Variants in GGA2 observed in about 807,000 individuals in gnomAD.
GGA2 encodes the protein golgi associated, gamma adaptin ear containing, ARF binding protein 2.
A neutral mutation model predicts 79.5 loss-of-function variants in GGA2; 48 were observed. The ratio of observed to expected loss-of-function variants is 0.60; its 90% CI spans 0.48 to 0.77. The LOEUF is 0.77. GGA2 is among the 30% of genes least tolerant of loss of function. GGA2 has a pLI of 0.00. For synonymous variants in GGA2, 317 were observed against 302.0 expected (o/e 1.05, Z -0.51); for missense variants, 770 against 774.0 (o/e 0.99, Z 0.06).
upstream of GGA2, among the ~76,000 whole-genome samples, chr16:23,511,049 G>GTGTATA (rs1159068685): frequency 6.6e-6 from 1 of 150,616 alleles, no homozygotes; most frequent in Non-Finnish European, 1.5e-5. Context: ...GTGTGTGTGT[G>GTGTATA]TTAGAGACTG....
intron 8 of GGA2, among the ~76,000 whole-genome samples, chr16:23,484,929 C>T (rs1964693102): frequency 1.3e-5 from 2 of 152,178 alleles, no homozygotes; most frequent in African/African-American, 2.4e-5. Context: ...AGTCATTATT[C>T]GTAATGAATA....
intron 15 of GGA2, chr16:23,469,702 G>A (rs768898213): frequency 1.9e-4 from 41 of 211,282 alleles, no homozygotes; most frequent in Non-Finnish European, 3.3e-4. Context: ...CAACCCTGGA[G>A]CTGTGGGTAG....
At position 23,465,326 on chromosome 16, in the gene GGA2, T is replaced by G. The variant is rs1298544656; in HGVS notation, c.*2264A>C. Reference sequence around the variant, plus strand: ...GTGAATGAAGAGGTAGGAGCTGGGCTCTAAGTGGCCACTGGACTTGCTGAT... The same window carrying G: ...GTGAATGAAGAGGTAGGAGCTGGGCGCTAAGTGGCCACTGGACTTGCTGAT... On this transcript the variant is annotated 3_prime_UTR_variant, in exon 17 of 17. Coordinates refer to ENST00000309859, the MANE Select transcript of GGA2 (RefSeq NM_015044.4). The G allele has an allele frequency of 7.1e-6, 5 of 702,692 alleles. No individual in the cohort carries two copies. In the African/African-American group the frequency reaches 8.7e-5, roughly 12 times the overall value. The allele number at this position is 702,692 out of a possible 1,614,324, so 43.5% of individuals were successfully genotyped here.
chr16:23,482,970 G>A lies in GGA2; in HGVS notation c.833C>T (p.Thr278Met), dbSNP rs751749491. ...VYERCEKLRP[T>M]LFRLASDTTD... The stretch of plus-strand genomic sequence containing the variant: ...GGTGTCACTCGCCAACCGGAACAGC[G>A]TGGGCCGCAGCTTTTCACACCTCTC... The change falls in exon 9 of 17, where the codon ACG becomes ATG. Residue 278 changes from threonine to methionine, a missense_variant. Transcript: ENST00000309859. The A allele has an allele frequency of 1.6e-5, 25 of 1,612,650 alleles. No individual in the cohort carries two copies. The highest frequency in any genetic ancestry group is 4.0e-5 in the African/African-American group (3 of 74,850).
At chr16:23,512,818 C>T (rs1342503049), upstream of GGA2, among the ~76,000 whole-genome samples, 2 of 149,684 alleles carry the variant, frequency 1.3e-5, no homozygotes, top group African/African-American at 5.0e-5. Context: ...GATTCCCCTG[C>T]CTCAGCCTCC....
chr16:23,519,519 C>A, intron 2 of GGA2: 2 of 329,546 alleles, frequency 6.1e-6, no homozygotes, highest in South Asian at 2.2e-5. Context: ...ATCAGATTCT[C>A]CCCTGCGAGT....
intron 12 of GGA2, 158 bp downstream of exon 12, chr16:23,478,725 A>C: frequency 1.3e-6 from 1 of 742,462 alleles, no homozygotes; most frequent in Non-Finnish European, 2.4e-6. Context: ...GGTATCAGCC[A>C]GACAGTATGG....
At chr16:23,510,203 C>G in intron 1 of GGA2, 118 bp downstream of exon 1, 2 of 533,018 alleles carry the variant, frequency 3.8e-6, no homozygotes, top group Middle Eastern at 5.7e-4. Context: ...CCCAGGCCCC[C>G]TACCCGGCCG....
At chr16:23,494,264 G>C in intron 3 of GGA2, 39 bp downstream of exon 3, 3 of 1,325,198 alleles carry the variant, frequency 2.3e-6, no homozygotes, top group Non-Finnish European at 3.3e-6. Context: ...TATAGCACAA[G>C]GACAGGAAAG....
In GGA2 at chr16:23,467,606, A is replaced by G; in HGVS notation, c.1826T>C (p.Val609Ala). 1 of 1,576,466 alleles carries G rather than the reference A, an allele frequency of 6.3e-7. No homozygotes were observed. Among genetic ancestry groups the G allele is most frequent in the Admixed American group, 1.7e-5 (1 of 59,838 alleles). Residue 609 changes from valine (V) to alanine (A), a missense_variant, in exon 17 of 17, where the codon GTC (valine) becomes GCC (alanine). Physicochemically the swap from Val to Ala is moderately conservative, Grantham distance 64. Transcript: ENST00000309859. The part of the protein sequence containing the change: ...GEVKDFPDLA[V>A]LGAA ...TGTGAAAAGTTAGGCTGCGCCCAAGACAGCCAGGTCTGGGAAGTCTTTCAC... is the reference window on the plus strand; with the variant it reads ...TGTGAAAAGTTAGGCTGCGCCCAAGGCAGCCAGGTCTGGGAAGTCTTTCAC...
chr16:23,522,609 A>G (rs1029657578), upstream of GGA2: 1 of 152,238 alleles, frequency 6.6e-6, no homozygotes, highest in African/African-American at 2.4e-5. Flanking sequence ...TATTTCTTTA[A>G]GCAAAGACTA....
rs761962712 is a variant in GGA2 at position 23,494,275 on chromosome 16, G to GTC, written c.252+27_252+28insGA. ...TCTCTATAGCACAAGGACAGGAAAG[G>GTC]TTAGGCTACAAGGCAAGCCAAACTC... On this transcript the variant is annotated intron_variant, in intron 3 of 16. Transcript: ENST00000309859. 47 of 1,453,836 alleles carry GTC rather than the reference G, an allele frequency of 3.2e-5. No homozygotes were observed. In the South Asian group the frequency reaches 5.3e-4, roughly 17 times the overall value. The allele number at this position is 1,453,836 out of a possible 1,614,324, so 90.1% of individuals were successfully genotyped here.
intron 1 of GGA2, among the ~76,000 whole-genome samples, chr16:23,504,596 A>C (rs1964954499): frequency 6.6e-6 from 1 of 152,200 alleles, no homozygotes; most frequent in Admixed American, 6.5e-5. Context: ...GCTCCAAAAA[A>C]TGACCCCCAG....
chr16:23,508,372 G>C (rs1964998990), intron 1 of GGA2, among the ~76,000 whole-genome samples: 1 of 151,794 alleles, frequency 6.6e-6, no homozygotes, highest in African/African-American at 2.4e-5. Flanking sequence ...TCTAATTTTT[G>C]CAACTCCAGT....
At position 23,467,427 on chromosome 16, in the gene GGA2, CACACACAG is replaced by C; in HGVS notation, c.*155_*162del. 1.6e-6 allele frequency: 1 copy of C among 614,152 alleles called. No homozygotes were observed. The highest frequency in any genetic ancestry group is 4.4e-4 in the Middle Eastern group (1 of 2,296). The allele number at this position is 614,152 out of a possible 1,614,324, so 38.0% of individuals were successfully genotyped here. On this transcript the variant is annotated 3_prime_UTR_variant, in exon 17 of 17. Transcript: ENST00000309859. ...ACACACACACACACACACACACACA[CACACACAG>C]AGCATCTGCAGAATAAGTCAGAGGT...
intron 1 of GGA2, chr16:23,501,448 G>A: frequency 2.3e-6 from 1 of 433,388 alleles, no homozygotes; most frequent in Non-Finnish European, 4.7e-6. Flanking sequence ...ATATTCATGT[G>A]TCTGCCAGTG....
rs148723605 is a variant in GGA2 at position 23,482,961 on chromosome 16, C to A, written c.842G>T (p.Arg281Leu). Residue 281 changes from arginine to leucine, a missense_variant, in exon 9 of 17, where the codon CGG becomes CTG. Arg to Leu is a moderately radical substitution (Grantham distance 102). Coordinates refer to ENST00000309859, the MANE Select transcript of GGA2 (RefSeq NM_015044.4). The stretch of plus-strand genomic sequence containing the variant: ...GTCATCAGTGGTGTCACTCGCCAAC[C>A]GGAACAGCGTGGGCCGCAGCTTTTC... ...RCEKLRPTLF[R>L]LASDTTDDDD... 4 of 1,612,770 alleles carry A rather than the reference C, an allele frequency of 2.5e-6. No individual in the cohort carries two copies. The highest frequency in any genetic ancestry group is 2.2e-5 in the East Asian group (1 of 44,900).
At chr16:23,469,085 A>G in intron 15 of GGA2, 89 bp from the exon 16 acceptor site, 1 of 796,474 alleles carries the variant, frequency 1.3e-6, no homozygotes, top group Non-Finnish European at 2.2e-6. Context: ...GACCTCCCCA[A>G]CACCCCTCCA....
chr16:23,488,595 T>G lies in GGA2; in HGVS notation c.579+11A>C, dbSNP rs372143718. ...GGTCTGATCAGACACCATGTAGGTCTGTTTCCTTACCTTGGACTTTTCTTC... is the reference window on the plus strand; with the variant it reads ...GGTCTGATCAGACACCATGTAGGTCGGTTTCCTTACCTTGGACTTTTCTTC... On this transcript the variant is annotated intron_variant, in intron 6 of 16. Transcript: ENST00000309859. 26 of 1,468,308 alleles carry G rather than the reference T, an allele frequency of 1.8e-5. 1 individual carries two copies. The African/African-American group carries it at 3.6e-4, about 20-fold the overall frequency. 91.0% of individuals were successfully genotyped at this position (1,468,308 alleles called of 1,614,324 possible).
Sources: gnomAD v4.1 joint callset for allele counts (sites outside exome capture counted in the v4.1 genomes callset) on GRCh38, gnomAD v4.1.1 for gene constraint, MANE v1.5 for transcripts, NCBI Gene and HGNC (gene_info 2026-07-23, HGNC 2026-07-21) for gene names.